Variants in MND1 observed in about 807,000 individuals in gnomAD.
The protein encoded by MND1 is meiotic nuclear division protein 1 homolog.
MND1 carries 28 observed loss-of-function variants against 35.1 expected under a neutral mutation model. The observed-to-expected ratio is 0.80, with a 90% confidence interval of 0.59 to 1.09. The LOEUF is 1.09. Ranked by LOEUF, MND1 falls within the 50% of genes least tolerant of loss-of-function variation. The probability of loss-of-function intolerance (pLI) is 0.00; values close to 1 mark genes in which losing one functional copy is unlikely to be tolerated. For missense variants in MND1, 213 were observed against 239.6 expected (o/e 0.89, Z 0.73); for synonymous variants, 69 against 70.5 (o/e 0.98, Z 0.11).
intron 1 of MND1, among the ~76,000 whole-genome samples, chr4:153,348,399 C>T (rs533830331): frequency 1.0e-3 from 152 of 152,072 alleles, no homozygotes; most frequent in Non-Finnish European, 1.9e-3. Context: ...CACTGAAGCT[C>T]AGGAGCACAC....
intron 4 of MND1, among the ~76,000 whole-genome samples, chr4:153,374,444 G>A (rs1728437204): frequency 6.6e-6 from 1 of 152,096 alleles, no homozygotes; most frequent in African/African-American, 2.4e-5. Context: ...GAGCATTAGA[G>A]ATGAAAAATG....
At chr4:153,365,963 A>C (rs563853438) in intron 4 of MND1, among the ~76,000 whole-genome samples, 244 of 103,060 alleles carry the variant, frequency 2.4e-3, no homozygotes, top group African/African-American at 0.015. Context: ...CAAATGCAAA[A>C]ATTTATTCTC....
chr4:153,412,787 C>G (rs1309830037), intron 7 of MND1, among the ~76,000 whole-genome samples: 1 of 150,862 alleles, frequency 6.6e-6, no homozygotes, highest in Non-Finnish European at 1.5e-5. Context: ...CGCAACCAGC[C>G]AATCCTTTTC....
intron 4 of MND1, among the ~76,000 whole-genome samples, chr4:153,379,495 G>T (rs1728608899): frequency 6.6e-6 from 1 of 151,802 alleles, no homozygotes; most frequent in Non-Finnish European, 1.5e-5. Context: ...TTAAGTCCAG[G>T]AGTTTGAGAC....
chr4:153,345,413 C>T lies in MND1; in HGVS notation c.3+673C>T, dbSNP rs1453918215. On this transcript the variant is annotated intron_variant, in intron 1 of 7. Transcript: ENST00000240488. Reference sequence around the variant, plus strand: ...AGGGCAGGAGTCGCTGCTCTTGTGCCGGGTGCTGCTGGTTGTGTAGGGCGC... The same window carrying T: ...AGGGCAGGAGTCGCTGCTCTTGTGCTGGGTGCTGCTGGTTGTGTAGGGCGC... 11 of 985,430 alleles carry T rather than the reference C, an allele frequency of 1.1e-5. No homozygotes were observed. In the East Asian group the frequency reaches 3.4e-4, roughly 30 times the overall value. The allele number at this position is 985,430 out of a possible 1,614,324, so 61.0% of individuals were successfully genotyped here. A position where few individuals can be genotyped will look rare whatever the true frequency, so the allele number is the denominator to read the frequency against.
rs77996328 is a variant in MND1 at position 153,359,810 on chromosome 4, G to A, written c.276+1188G>A. Among the ~76,000 whole-genome samples the A allele has an allele frequency of 7.5e-3, 1,082 of 143,910 alleles. 17 individuals are homozygous for A. Among genetic ancestry groups the A allele is most frequent in the African/African-American group, 0.025 (952 of 38,452 alleles). The allele number at this position is 143,910 out of a possible 152,430, so 94.4% of individuals were successfully genotyped here. A position where few individuals can be genotyped will look rare whatever the true frequency, so the allele number is the denominator to read the frequency against. On this transcript the variant is annotated intron_variant, in intron 4 of 7. Transcript: ENST00000240488. ...TTTTTTTTTTTTTTTTTTGTGAGAC[G>A]GAGTTTCACTTTTTTTGACCAGGCT...
chr4:153,363,452 TC>T (rs1773548920), intron 4 of MND1, among the ~76,000 whole-genome samples: 1 of 152,170 alleles, frequency 6.6e-6, no homozygotes, highest in Non-Finnish European at 1.5e-5. Context: ...CCTCAGGTGA[TC>T]CACCCGCCTC....
At chr4:153,404,917 T>C (rs1729453288) in intron 6 of MND1, among the ~76,000 whole-genome samples, 1 of 152,036 alleles carries the variant, frequency 6.6e-6, no homozygotes, top group South Asian at 2.1e-4. Context: ...ATCTTTTTTG[T>C]AGAGACGGGG....
intron 6 of MND1, among the ~76,000 whole-genome samples, chr4:153,398,224 G>A (rs1179632747): frequency 3.9e-5 from 6 of 152,130 alleles, no homozygotes; most frequent in Admixed American, 3.9e-4. Flanking sequence ...TAAAGGCATA[G>A]CATTTAATTG....
intron 1 of MND1, among the ~76,000 whole-genome samples, chr4:153,345,019 C>T (rs565884070): frequency 1.3e-5 from 2 of 152,362 alleles, no homozygotes; most frequent in Admixed American, 1.3e-4. Context: ...CCCCAGGGCC[C>T]GTTCGGGCGG....
chr4:153,350,146 A>T lies in MND1; in HGVS notation c.69+17A>T. ...TCTGAAACAGTAAGTCATTTTCTTTAACACTTATAATTTTGTGTAATTTTC... is the reference window on the plus strand; with the variant it reads ...TCTGAAACAGTAAGTCATTTTCTTTTACACTTATAATTTTGTGTAATTTTC... On this transcript the variant is annotated intron_variant, in intron 2 of 7. Coordinates refer to ENST00000240488, the MANE Select transcript of MND1 (RefSeq NM_032117.4). The T allele has an allele frequency of 6.4e-7, 1 of 1,568,360 alleles. No individual in the cohort carries two copies. The highest frequency in any genetic ancestry group is 8.7e-7 in the Non-Finnish European group (1 of 1,146,548).
intron 6 of MND1, among the ~76,000 whole-genome samples, chr4:153,405,364 C>T (rs938047610): frequency 2.6e-5 from 4 of 151,786 alleles, no homozygotes; most frequent in Admixed American, 1.3e-4. Context: ...ACGGTGAAAC[C>T]CCATCTCTAC....
At chr4:153,380,007 C>A (rs1263495011) in intron 4 of MND1, among the ~76,000 whole-genome samples, 1 of 152,044 alleles carries the variant, frequency 6.6e-6, no homozygotes, top group Non-Finnish European at 1.5e-5. Context: ...GGCAACAAAG[C>A]ACGACCCTAT....
intron 4 of MND1, among the ~76,000 whole-genome samples, chr4:153,368,768 C>T (rs573378515): frequency 2.0e-5 from 3 of 151,584 alleles, no homozygotes; most frequent in East Asian, 1.9e-4. Context: ...TATTTGTGGC[C>T]GAATGTGTAT....
chr4:153,380,619 G>A (rs1282892377), intron 4 of MND1, among the ~76,000 whole-genome samples: 2 of 152,140 alleles, frequency 1.3e-5, no homozygotes, highest in East Asian at 3.8e-4. Flanking sequence ...TAACGAAGAA[G>A]GGCTGGCTTT....
At chr4:153,361,440 A>G (rs1029098652) in intron 4 of MND1, 5 of 455,716 alleles carry the variant, frequency 1.1e-5, no homozygotes, top group African/African-American at 6.0e-5. Flanking sequence ...TCAGTCTTTG[A>G]TGTTATGTTT....
chr4:153,385,483 A>G (rs1013890612), intron 4 of MND1, among the ~76,000 whole-genome samples: 1 of 152,148 alleles, frequency 6.6e-6, no homozygotes, highest in Non-Finnish European at 1.5e-5. Flanking sequence ...TGGGAGGCCA[A>G]TGCAAGAAGA....
chr4:153,348,153 A>G (rs1159045143), intron 1 of MND1, among the ~76,000 whole-genome samples: 1 of 152,222 alleles, frequency 6.6e-6, no homozygotes, highest in Non-Finnish European at 1.5e-5. Context: ...AACAGACAGG[A>G]CAGATAAGAG....
chr4:153,381,693 T>TATATATATATATATATATATATA (rs1491188331), intron 4 of MND1: 1 of 12,086 alleles, frequency 8.3e-5, no homozygotes, highest in African/African-American at 4.0e-4. Context: ...TATATATATA[T>TATATATATATATATATATATATA]TTTTTTTTTT....
Sources: gnomAD v4.1 joint callset for allele counts (sites outside exome capture counted in the v4.1 genomes callset) on GRCh38, gnomAD v4.1.1 for gene constraint, MANE v1.5 for transcripts, NCBI Gene and HGNC (gene_info 2026-07-23, HGNC 2026-07-21) for gene names.